MACROD2: variants seen among roughly 807,000 people sequenced by gnomAD.
MACROD2 encodes ADP-ribose glycohydrolase MACROD2.
MACROD2 carries 36 observed loss-of-function variants against 70.4 expected under a neutral mutation model. The observed-to-expected ratio is 0.51, with a 90% confidence interval of 0.39 to 0.68. The LOEUF (loss-of-function observed/expected upper bound fraction) is 0.68. Ranked by LOEUF, MACROD2 falls within the 30% of genes least tolerant of loss-of-function variation. The pLI is 0.00. For missense variants in MACROD2, 496 were observed against 538.4 expected, an observed-to-expected ratio of 0.92 and a Z score of 0.78; for synonymous variants, 172 against 178.8, an observed-to-expected ratio of 0.96 and a Z score of 0.30.
At chr20:14,978,141 A>G (rs901400652) in intron 5 of MACROD2, among the ~76,000 whole-genome samples, 2 of 152,150 alleles carry the variant, frequency 1.3e-5, no homozygotes, top group South Asian at 2.1e-4. Context: ...TCATGCTGCC[A>G]TCATTTTAAA....
chr20:14,527,100 C>G (rs2085242694), intron 4 of MACROD2, among the ~76,000 whole-genome samples: 1 of 152,204 alleles, frequency 6.6e-6, no homozygotes, highest in Non-Finnish European at 1.5e-5. Flanking sequence ...GGACTGGGCT[C>G]TCCTCCAACT....
chr20:15,985,108 G>T (rs1472194031), intron 13 of MACROD2, among the ~76,000 whole-genome samples: 1 of 152,028 alleles, frequency 6.6e-6, no homozygotes, highest in Non-Finnish European at 1.5e-5. Context: ...AAGTTTTCCT[G>T]GTGTCACAGT....
intron 15 of MACROD2, among the ~76,000 whole-genome samples, chr20:16,016,775 A>C (rs926582071): frequency 2.0e-5 from 3 of 152,116 alleles, no homozygotes; most frequent in African/African-American, 7.2e-5. Flanking sequence ...TGAGCTTTTA[A>C]TATCCGCTTC....
chr20:14,852,829 G>A (rs2073213263), intron 5 of MACROD2, among the ~76,000 whole-genome samples: 1 of 152,162 alleles, frequency 6.6e-6, no homozygotes, highest in Admixed American at 6.5e-5. Context: ...TATGGGCCAT[G>A]GTTAATTCTG....
intron 8 of MACROD2, among the ~76,000 whole-genome samples, chr20:15,551,690 G>A (rs993345708): frequency 2.0e-5 from 3 of 151,936 alleles, no homozygotes; most frequent in East Asian, 1.9e-4. Context: ...GCAACATGGC[G>A]GAACCCCGTC....
intron 8 of MACROD2, among the ~76,000 whole-genome samples, chr20:15,691,844 G>T (rs994743934): frequency 5.3e-5 from 8 of 152,160 alleles, no homozygotes; most frequent in African/African-American, 1.9e-4. Context: ...AGCATGTAAT[G>T]ACTCCAACTG....
At chr20:15,207,615 G>A (rs764665646) in intron 5 of MACROD2, among the ~76,000 whole-genome samples, 2 of 151,446 alleles carry the variant, frequency 1.3e-5, no homozygotes, top group Non-Finnish European at 2.9e-5. Flanking sequence ...GCTAATTTTT[G>A]TATTTTCAGT....
intron 8 of MACROD2, among the ~76,000 whole-genome samples, chr20:15,826,571 T>C (rs1263212515): frequency 6.6e-6 from 1 of 152,210 alleles, no homozygotes; most frequent in African/African-American, 2.4e-5. Flanking sequence ...TGCTATGAAA[T>C]TATTTTATTC....
chr20:14,794,061 T>A (rs1048097508), intron 5 of MACROD2, among the ~76,000 whole-genome samples: 1 of 152,008 alleles, frequency 6.6e-6, no homozygotes, highest in African/African-American at 2.4e-5. Context: ...AGAAAGGGAT[T>A]GGGGCTTACT....
At chr20:14,493,562 A>G in intron 4 of MACROD2, 54 bp downstream of exon 4, 1 of 1,431,878 alleles carries the variant, frequency 7.0e-7, no homozygotes, top group Non-Finnish European at 9.8e-7. Flanking sequence ...TATACCAACT[A>G]CAAGATATTT....
intron 3 of MACROD2, among the ~76,000 whole-genome samples, chr20:14,426,639 T>C (rs2083935976): frequency 6.6e-6 from 1 of 152,144 alleles, no homozygotes; most frequent in South Asian, 2.1e-4. Flanking sequence ...ATTTGGGCTA[T>C]TTAGTTAGGT....
intron 13 of MACROD2, among the ~76,000 whole-genome samples, chr20:15,986,422 T>A (rs1194660407): frequency 6.6e-6 from 1 of 152,228 alleles, no homozygotes; most frequent in East Asian, 1.9e-4. Context: ...CAGAAATTAT[T>A]GTAAAATTTG....
rs190096879 is a variant in MACROD2 at position 16,043,845 on chromosome 20, G to A, written c.1232-726G>A. On this transcript the variant is annotated intron_variant, in intron 16 of 17. Transcript: ENST00000684519. ...GCATGTCAGTGATGTGCTTTGCTTT[G>A]CCTTCTCTCTTTATTTTCTTAGATA... 3.0e-3 allele frequency among the ~76,000 whole-genome samples: 449 copies of A among 152,130 alleles called. 10 individuals are homozygous for A. The highest frequency in any genetic ancestry group is 1.5e-3 in the Non-Finnish European group (103 of 67,980).
chr20:15,752,585 G>A (rs779861281), intron 8 of MACROD2, among the ~76,000 whole-genome samples: 7 of 152,106 alleles, frequency 4.6e-5, no homozygotes, highest in African/African-American at 7.2e-5. Context: ...TTGGTGATTC[G>A]CTCACTATGC....
chr20:16,007,667 A>G (rs1169306193), intron 15 of MACROD2, among the ~76,000 whole-genome samples: 1 of 152,200 alleles, frequency 6.6e-6, no homozygotes, highest in African/African-American at 2.4e-5. Flanking sequence ...AAATTACAGG[A>G]ATTAAGGGTA....
chr20:15,943,706 G>A (rs920504301), intron 12 of MACROD2, among the ~76,000 whole-genome samples: 2 of 152,080 alleles, frequency 1.3e-5, no homozygotes, highest in Non-Finnish European at 1.5e-5. Flanking sequence ...TGTGGGAAGT[G>A]AGGATAAGAA....
At chr20:15,505,544 G>A (rs1020067374) in intron 8 of MACROD2, among the ~76,000 whole-genome samples, 58 of 152,174 alleles carry the variant, frequency 3.8e-4, no homozygotes, top group Non-Finnish European at 4.3e-4. Flanking sequence ...CCTGAGGCCC[G>A]GCCCCAGCAT....
chr20:14,866,198 A>T lies in MACROD2; in HGVS notation c.418+181239A>T, dbSNP rs115822493. 7.0e-3 allele frequency among the ~76,000 whole-genome samples: 1,070 copies of T among 152,244 alleles called. 11 individuals are homozygous for T. Among genetic ancestry groups the T allele is most frequent in the African/African-American group, 0.024 (1,007 of 41,544 alleles). On this transcript the variant is annotated intron_variant, in intron 5 of 17. Transcript: ENST00000684519. ...TTTGACTCAAAATTAACCAGGAAAA[A>T]CTTAAGTTATCCTTCCACAAGGTGA...
chr20:14,657,926 A>C (rs1222105038), intron 4 of MACROD2, among the ~76,000 whole-genome samples: 2 of 151,818 alleles, frequency 1.3e-5, no homozygotes, highest in Non-Finnish European at 2.9e-5. Flanking sequence ...GTGGCTTAGC[A>C]TACTGAGCTG....
Sources: allele counts gnomAD v4.1 joint callset (sites outside exome capture counted in the v4.1 genomes callset), GRCh38; gene constraint gnomAD v4.1.1; transcripts MANE v1.5; gene names NCBI Gene and HGNC (gene_info 2026-07-23, HGNC 2026-07-21).